The following INVS variants were observed in gnomAD, a reference collection of about 807,000 sequenced individuals.
The protein encoded by INVS is inversion of embryo turning homolog.
In INVS, 86 loss-of-function variants were observed where a neutral mutation model predicts 108.8. The ratio of observed to expected loss-of-function variants is 0.79; its 90% CI spans 0.66 to 0.95. The LOEUF (loss-of-function observed/expected upper bound fraction) is 0.95. Ranked by LOEUF, INVS falls within the 40% of genes least tolerant of loss-of-function variation. INVS has a pLI of 0.00. For synonymous variants in INVS, 455 were observed against 473.5 expected, an observed-to-expected ratio of 0.96 and a Z score of 0.51; for missense variants, 1,169 against 1,297.4, an observed-to-expected ratio of 0.90 and a Z score of 1.52.
At chr9:100,156,809 A>G in intron 3 of INVS, among the ~76,000 whole-genome samples, 1 of 142,566 alleles carries the variant, frequency 7.0e-6, no homozygotes, top group Non-Finnish European at 1.5e-5. Context: ...TAGTATTAAG[A>G]TTTTTAAACC....
chr9:100,124,321 C>G (rs1407866648), intron 2 of INVS, among the ~76,000 whole-genome samples: 1 of 151,814 alleles, frequency 6.6e-6, no homozygotes, highest in African/African-American at 2.4e-5. Flanking sequence ...TCCCTTTACC[C>G]TTCTTTTTGA....
intron 3 of INVS, among the ~76,000 whole-genome samples, chr9:100,221,305 A>ATTT (rs67905235): frequency 1.1e-3 from 159 of 145,464 alleles, no homozygotes; most frequent in Middle Eastern, 3.6e-3. Context: ...ATACAGGACA[A>ATTT]TTTTTTTTTT....
Position 100,240,127 on chromosome 9 carries a change from C to T in INVS, c.683C>T (p.Ala228Val). The part of the protein sequence containing the change: ...DYEGRTPLHF[A>V]VADGNVTVVD... ...GAGGGTCGAACTCCTCTTCACTTTG[C>T]AGTTGCTGATGGGAATGTGACCGTG... The change falls in exon 6 of 17, where the codon GCA (alanine) becomes GTA (valine). Residue 228 changes from alanine to valine, a missense_variant. Around this residue, in one of 3 missense-constraint regions of INVS, gnomAD observed 365 missense variants for 397.5 expected, o/e 0.92. Transcript: ENST00000262457. 1.2e-6 allele frequency: 2 copies of T among 1,614,008 alleles called. No individual in the cohort carries two copies. Among genetic ancestry groups the T allele is most frequent in the Non-Finnish European group, 1.7e-6 (2 of 1,179,872 alleles).
intron 2 of INVS, among the ~76,000 whole-genome samples, chr9:100,116,196 C>T (rs1440799240): frequency 6.6e-5 from 10 of 151,684 alleles, no homozygotes; most frequent in Admixed American, 3.9e-4. Flanking sequence ...CTCCGCCTCC[C>T]GGGTTTAAGT....
At chr9:100,155,119 A>G (rs1416850301) in intron 3 of INVS, among the ~76,000 whole-genome samples, 1 of 151,762 alleles carries the variant, frequency 6.6e-6, no homozygotes, top group Non-Finnish European at 1.5e-5. Flanking sequence ...GCTGAGGCAC[A>G]AGAATTGCTT....
Position 100,278,231 on chromosome 9 carries a change from CAAAAAAA to C in INVS, c.1784+5173_1784+5179del, listed in dbSNP as rs750217205. Among the ~76,000 whole-genome samples the C allele has an allele frequency of 6.1e-3, 506 of 83,106 alleles. 1 individual carries two copies. Among genetic ancestry groups the C allele is most frequent in the Non-Finnish European group, 7.3e-3 (328 of 44,784 alleles). 54.5% of individuals were successfully genotyped at this position (83,106 alleles called of 152,430 possible). Reference sequence around the variant, plus strand: ...GAAGACAGAGAGAGAGACCCTGTCTCAAAAAAAAAAAAAAAAAAAAAAAATTTATGTG... The same window carrying C: ...GAAGACAGAGAGAGAGACCCTGTCTCAAAAAAAAAAAAAAAAATTTATGTG... On this transcript the variant is annotated intron_variant, in intron 12 of 16. Coordinates refer to ENST00000262457, the MANE Select transcript of INVS (RefSeq NM_014425.5).
At chr9:100,297,825 C>G in intron 15 of INVS, 111 bp from the exon 16 acceptor site, 4 of 1,093,258 alleles carry the variant, frequency 3.7e-6, no homozygotes, top group Non-Finnish European at 5.6e-6. Flanking sequence ...CCTAACTTAT[C>G]TTGACACACA....
chr9:100,166,488 A>G (rs1829368920), intron 3 of INVS, among the ~76,000 whole-genome samples: 1 of 152,082 alleles, frequency 6.6e-6, no homozygotes, highest in Non-Finnish European at 1.5e-5. Flanking sequence ...CCACCACTGT[A>G]CTCTAGCCTG....
At chr9:100,214,359 C>T (rs764463461) in intron 3 of INVS, among the ~76,000 whole-genome samples, 2 of 152,154 alleles carry the variant, frequency 1.3e-5, no homozygotes, top group Non-Finnish European at 2.9e-5. Context: ...AAGCAACCCC[C>T]AAGCTCAAAG....
chr9:100,207,246 C>G (rs1830702137), intron 3 of INVS, among the ~76,000 whole-genome samples: 1 of 152,058 alleles, frequency 6.6e-6, no homozygotes, highest in Non-Finnish European at 1.5e-5. Context: ...ATGATGATGG[C>G]TGCCACATGA....
At chr9:100,248,568 T>C (rs1329343418) in intron 8 of INVS, among the ~76,000 whole-genome samples, 1 of 152,030 alleles carries the variant, frequency 6.6e-6, no homozygotes, top group Non-Finnish European at 1.5e-5. Context: ...CTATAAAAAA[T>C]GTTAAAGCCA....
At chr9:100,145,929 A>G (rs1402227169) in intron 3 of INVS, among the ~76,000 whole-genome samples, 1 of 152,176 alleles carries the variant, frequency 6.6e-6, no homozygotes, top group Non-Finnish European at 1.5e-5. Context: ...AGGGATAGTG[A>G]GAGAGGTTGG....
chr9:100,212,977 G>C (rs1336193627), intron 3 of INVS, among the ~76,000 whole-genome samples: 1 of 152,054 alleles, frequency 6.6e-6, no homozygotes, highest in African/African-American at 2.4e-5. Context: ...CAAGATCAAG[G>C]CACCAGCAGA....
At chr9:100,165,525 T>G (rs1391833674) in intron 3 of INVS, among the ~76,000 whole-genome samples, 1 of 152,198 alleles carries the variant, frequency 6.6e-6, no homozygotes. Flanking sequence ...GAAGGATGAA[T>G]GCTTGATTCT....
At position 100,240,184 on chromosome 9, in the gene INVS, A is replaced by G. The variant is rs41312220; in HGVS notation, c.740A>G (p.Asn247Ser). Reference sequence around the variant, plus strand: ...GTCTTGACCTCATATGAAAGCTGCAATATAACGTCTTATGATAACTTATTT... The same window carrying G: ...GTCTTGACCTCATATGAAAGCTGCAGTATAACGTCTTATGATAACTTATTT... ...VDVLTSYESC[N>S]ITSYDNLFRT... Residue 247 changes from asparagine (N) to serine (S), a missense_variant, in exon 6 of 17, where the codon AAT (asparagine) becomes AGT (serine). Physicochemically the swap from Asn to Ser is conservative, Grantham distance 46. Transcript: ENST00000262457. The G allele has an allele frequency of 5.6e-3, 9,114 of 1,613,976 alleles. 36 individuals are homozygous for G. Among genetic ancestry groups the G allele is most frequent in the Non-Finnish European group, 6.5e-3 (7,673 of 1,179,892 alleles).
chr9:100,194,503 G>GT (rs35911770), intron 3 of INVS, among the ~76,000 whole-genome samples: 62 of 146,308 alleles, frequency 4.2e-4, no homozygotes, highest in South Asian at 6.6e-4. Context: ...TAAAATGAGG[G>GT]TTTTTTTTTT....
intron 3 of INVS, among the ~76,000 whole-genome samples, chr9:100,223,401 A>G (rs971535229): frequency 2.0e-5 from 3 of 152,162 alleles, no homozygotes; most frequent in African/African-American, 7.2e-5. Context: ...CCAGGCTTGT[A>G]AATAAGAATT....
rs181901744 is a variant in INVS, at chr9:100,238,158, C to T, written c.616-1902C>T. On this transcript the variant is annotated intron_variant, in intron 5 of 16. Transcript: ENST00000262457. ...CCTCCCAAAGTGCTGGGATTACAGG[C>T]ATGAGCCACCACCCCCAGCCAACTC... Among the ~76,000 whole-genome samples, 11 of 152,110 alleles carry T rather than the reference C, an allele frequency of 7.2e-5. No individual in the cohort carries two copies. The East Asian group carries it at 2.1e-3, about 29-fold the overall frequency.
At chr9:100,298,357 T>G in intron 16 of INVS, 1 of 979,308 alleles carries the variant, frequency 1.0e-6, no homozygotes, top group Non-Finnish European at 1.2e-6. Flanking sequence ...CACACTATGA[T>G]CCCCTATTTC....
Sources: gnomAD v4.1 joint callset for allele counts (sites outside exome capture counted in the v4.1 genomes callset) on GRCh38, gnomAD v4.1.1 for gene constraint, gnomAD v4.1.1 regional missense constraint, MANE v1.5 for transcripts, NCBI Gene and HGNC (gene_info 2026-07-23, HGNC 2026-07-21) for gene names.